The following ACCSL variants were observed in gnomAD, a reference collection of about 807,000 sequenced individuals.
The protein encoded by ACCSL is probable inactive 1-aminocyclopropane-1-carboxylate synthase-like protein 2.
A neutral mutation model predicts 61.7 loss-of-function variants in ACCSL; 55 were observed. That is an observed-to-expected ratio of 0.89 (90% CI 0.72 to 1.12). The LOEUF (loss-of-function observed/expected upper bound fraction) is 1.12. Ranked by LOEUF, ACCSL falls within the 50% of genes most tolerant of loss-of-function variation. The pLI is 0.00. For missense variants in ACCSL, 632 were observed against 698.0 expected (o/e 0.91, Z 1.07); for synonymous variants, 258 against 264.3 (o/e 0.98, Z 0.23).
At chr11:43,980,845 A>G in the ACCSL span, among the ~76,000 whole-genome samples, 1 of 144,238 alleles carries the variant, frequency 6.9e-6, no homozygotes, top group Non-Finnish European at 1.6e-5. Context: ...CTATGGGGTA[A>G]GCGCTATTAT....
At chr11:43,936,275 G>A in the ACCSL span, among the ~76,000 whole-genome samples, 44,749 of 152,082 alleles carry the variant, frequency 0.29, 6,754 homozygotes, top group East Asian at 0.39. Context: ...TCAGGCAGGA[G>A]GGTATAAGCC....
chr11:44,053,589 C>G, intron 8 of ACCSL, 83 bp downstream of exon 8: 1 of 1,306,124 alleles, frequency 7.7e-7, no homozygotes, highest in Non-Finnish European at 1.1e-6. Flanking sequence ...AGAGCCAGAT[C>G]TGGTGGCACA....
the ACCSL span, among the ~76,000 whole-genome samples, chr11:43,959,015 C>T: frequency 1.4e-4 from 21 of 152,150 alleles, no homozygotes; most frequent in African/African-American, 4.8e-4. Context: ...AAGCTAGTTC[C>T]CTCCAGCCCT....
At chr11:44,056,431 T>C in intron 11 of ACCSL, 105 bp downstream of exon 11, 1 of 1,369,844 alleles carries the variant, frequency 7.3e-7, no homozygotes, top group Non-Finnish European at 9.8e-7. Flanking sequence ...ACTGAGACCC[T>C]ATTTCCTGTC....
chr11:44,016,195 C>T, the ACCSL span, among the ~76,000 whole-genome samples: 2 of 152,220 alleles, frequency 1.3e-5, no homozygotes, highest in African/African-American at 4.8e-5. Flanking sequence ...ACCGGTGGCT[C>T]AATTTTAGCC....
At chr11:44,024,024 A>G in the ACCSL span, among the ~76,000 whole-genome samples, 2 of 152,158 alleles carry the variant, frequency 1.3e-5, no homozygotes, top group Non-Finnish European at 2.9e-5. Context: ...GGGTATACAG[A>G]TTATACATTA....
the ACCSL span, among the ~76,000 whole-genome samples, chr11:44,024,327 A>G: frequency 2.0e-5 from 3 of 152,042 alleles, no homozygotes; most frequent in African/African-American, 7.2e-5. Context: ...CTGGGTCTCC[A>G]GCTTGCAGAT....
chr11:44,009,021 A>G, the ACCSL span, among the ~76,000 whole-genome samples: 2 of 151,972 alleles, frequency 1.3e-5, no homozygotes, highest in African/African-American at 2.4e-5. Flanking sequence ...ACAAAAAATT[A>G]GCCAGGCATG....
At chr11:43,973,118 A>G in the ACCSL span, among the ~76,000 whole-genome samples, 1 of 152,362 alleles carries the variant, frequency 6.6e-6, no homozygotes, top group East Asian at 1.9e-4. Flanking sequence ...GCATTTATCC[A>G]TCCAAAGTGA....
chr11:44,024,441 C>CTG, the ACCSL span, among the ~76,000 whole-genome samples: 707 of 132,084 alleles, frequency 5.4e-3, 2 homozygotes, highest in East Asian at 0.019. Flanking sequence ...CTCTCTCTCT[C>CTG]TGTGTGTGTG....
At chr11:44,014,483 C>CAGAG in the ACCSL span, among the ~76,000 whole-genome samples, 854 of 128,970 alleles carry the variant, frequency 6.6e-3, 11 homozygotes, top group Middle Eastern at 0.012. Flanking sequence ...GAGAGATAGC[C>CAGAG]AGAGAGAGAG....
At chr11:43,952,681 A>G in the ACCSL span, among the ~76,000 whole-genome samples, 1 of 152,226 alleles carries the variant, frequency 6.6e-6, no homozygotes, top group Non-Finnish European at 1.5e-5. Flanking sequence ...TAAAAGGGAC[A>G]GGAATTATTC....
upstream of ACCSL, among the ~76,000 whole-genome samples, chr11:44,047,117 C>T (rs149997616): frequency 2.6e-5 from 4 of 152,290 alleles, no homozygotes; most frequent in African/African-American, 9.6e-5. Flanking sequence ...GACATACTGA[C>T]TCAAAATTCA....
chr11:44,059,879 G>A lies in ACCSL; in HGVS notation c.1666G>A (p.Ala556Thr), dbSNP rs1474356786. Residue 556 changes from alanine to threonine, a missense_variant, in exon 14 of 14, where the codon GCT becomes ACT. Physicochemically the swap from Ala to Thr is moderately conservative, Grantham distance 58. Coordinates refer to ENST00000378832, the MANE Select transcript of ACCSL (RefSeq NM_001031854.2). ...TGATGTGCTGCAGGAGCAGAAGGAG[G>A]CTTTGATAGTGAAGCAGTTGGAGGA... ...FCDVLQEQKE[A>T]LIVKQLEDAM... 1.2e-6 allele frequency: 2 copies of A among 1,613,964 alleles called. No homozygotes were observed. Among genetic ancestry groups the A allele is most frequent in the East Asian group, 2.2e-5 (1 of 44,872 alleles).
At chr11:43,951,210 A>G in the ACCSL span, among the ~76,000 whole-genome samples, 1 of 152,198 alleles carries the variant, frequency 6.6e-6, no homozygotes, top group African/African-American at 2.4e-5. Flanking sequence ...AGTCATAGAG[A>G]GAACCTAGAA....
the ACCSL span, among the ~76,000 whole-genome samples, chr11:43,964,365 A>G: frequency 6.6e-6 from 1 of 150,826 alleles, no homozygotes; most frequent in East Asian, 2.0e-4. Context: ...TGAACCTGGG[A>G]GGCAGAGGTG....
At chr11:43,943,997 C>G in the ACCSL span, 1 of 581,052 alleles carries the variant, frequency 1.7e-6, no homozygotes, top group Non-Finnish European at 2.6e-6. This position sits in a 1 kb window ranked among gnomAD's most constrained non-coding sequence, Gnocchi z 4.8. Flanking sequence ...AGTGGAGCTA[C>G]CTCCACAAGC....
At chr11:43,984,113 T>C in the ACCSL span, among the ~76,000 whole-genome samples, 1 of 151,088 alleles carries the variant, frequency 6.6e-6, no homozygotes, top group South Asian at 2.1e-4. Flanking sequence ...CGAGACTCCA[T>C]ATAAAAGAAA....
At chr11:43,968,799 G>A in the ACCSL span, among the ~76,000 whole-genome samples, 4 of 152,222 alleles carry the variant, frequency 2.6e-5, no homozygotes, top group East Asian at 3.9e-4. Context: ...AATGGAGACC[G>A]CTGGAGCTTC....
Sources: allele counts gnomAD v4.1 joint callset (sites outside exome capture counted in the v4.1 genomes callset), GRCh38; gene constraint gnomAD v4.1.1; non-coding constraint Gnocchi (gnomAD v3.1); transcripts MANE v1.5; gene names NCBI Gene and HGNC (gene_info 2026-07-23, HGNC 2026-07-21).